Variants in SBK1 observed in about 807,000 individuals in gnomAD.
SBK1 encodes serine/threonine-protein kinase SBK1.
SBK1 carries 11 observed loss-of-function variants against 24.4 expected under a neutral mutation model. That is an observed-to-expected ratio of 0.45 (90% confidence interval 0.28 to 0.75). The LOEUF is 0.75. Among genes scored for constraint, SBK1 ranks in the 30% least tolerant of loss-of-function variants. The probability of loss-of-function intolerance (pLI) is 0.12; values close to 1 mark genes in which losing one functional copy is unlikely to be tolerated. For missense variants in SBK1, 467 were observed against 620.5 expected (o/e 0.75, Z 2.63); for synonymous variants, 308 against 284.4 (o/e 1.08, Z -0.83).
chr16:28,288,793 G>A (rs2044582042), upstream of SBK1, among the ~76,000 whole-genome samples: 1 of 152,152 alleles, frequency 6.6e-6, no homozygotes. Flanking sequence ...CTCACCTGCT[G>A]GTCCCAGAAC....
chr16:28,272,157 T>C (rs1242925299), intron 1 of SBK1, among the ~76,000 whole-genome samples: 1 of 152,158 alleles, frequency 6.6e-6, no homozygotes, highest in Non-Finnish European at 1.5e-5. Context: ...GCAGCCTCCA[T>C]CTCCTGGGCT....
intron 1 of SBK1, among the ~76,000 whole-genome samples, chr16:28,280,300 C>CGT (rs2044525704): frequency 7.1e-6 from 1 of 140,204 alleles, no homozygotes; most frequent in African/African-American, 2.6e-5. Flanking sequence ...TATATATGCA[C>CGT]ATATATGTAT....
chr16:28,320,920 G>A lies in SBK1; in HGVS notation c.1274G>A (p.Ter425=), dbSNP rs1271941907. ...GCCACGGCCATCGAGATCTGCGTCT[G>A]AGTCGCCTCCGCCGCCCTCGGACCC... is the stretch of plus-strand genomic sequence containing the variant. The part of the protein sequence containing the change: ...VLATAIEICV[*] The change falls in exon 4 of 4, where the codon TGA becomes TAA. Residue 425 remains the stop codon, a stop_retained_variant. Transcript: ENST00000341901. The surrounding 1 kb of genome is among the most constrained non-coding windows in gnomAD (Gnocchi z 8.5). The A allele has an allele frequency of 1.4e-6, 2 of 1,469,268 alleles. No homozygotes were observed. Among genetic ancestry groups the A allele is most frequent in the Middle Eastern group, 1.8e-4 (1 of 5,506 alleles). The allele number at this position is 1,469,268 out of a possible 1,614,324, so 91.0% of individuals were successfully genotyped here.
Position 28,270,793 on chromosome 16 carries a change from T to C in SBK1, c.257+11291T>C, listed in dbSNP as rs2044460214. On this transcript the variant is annotated intron_variant, in intron 1 of 3. Coordinates refer to the SBK1 transcript ENST00000671413. ...AGTAGAAAAAACAATATTTTCAGAT[T>C]GGCAAGAGCTCAAAAATTTTACCTC... 1.3e-5 allele frequency among the ~76,000 whole-genome samples: 2 copies of C among 151,994 alleles called. 1 individual carries two copies. The highest frequency in any genetic ancestry group is 1.3e-4 in the Admixed American group (2 of 15,254).
chr16:28,317,678 G>T lies in SBK1; in HGVS notation c.226+61G>T. On this transcript the variant is annotated intron_variant, in intron 2 of 3. Transcript: ENST00000341901. This position sits in a 1 kb window ranked among gnomAD's most constrained non-coding sequence, Gnocchi z 4.2. ...GGGTGGGGCAGGGCTGGGAGGTCAG[G>T]GTTGGGGGACATGACCTTGCAGCTG... 1 of 1,171,518 alleles carries T rather than the reference G, an allele frequency of 8.5e-7. No homozygotes were observed. The highest frequency in any genetic ancestry group is 2.4e-5 in the East Asian group (1 of 41,776). 72.6% of individuals were successfully genotyped at this position (1,171,518 alleles called of 1,614,324 possible).
At chr16:28,313,293 T>TA (rs904670579) in intron 1 of SBK1, among the ~76,000 whole-genome samples, 2 of 151,220 alleles carry the variant, frequency 1.3e-5, no homozygotes, top group East Asian at 2.0e-4. Context: ...AGACCCTGTT[T>TA]AAAAAAAATT....
At chr16:28,294,629 C>G (rs1314845305) in intron 1 of SBK1, among the ~76,000 whole-genome samples, 2 of 152,222 alleles carry the variant, frequency 1.3e-5, no homozygotes, top group East Asian at 3.8e-4. Context: ...CTGAGAGATT[C>G]TTGACCCTAC....
intron 1 of SBK1, among the ~76,000 whole-genome samples, chr16:28,281,079 A>G (rs987132656): frequency 3.9e-5 from 6 of 152,094 alleles, no homozygotes; most frequent in African/African-American, 1.4e-4. Context: ...TGGTGTCCTC[A>G]GACAGACCCT....
chr16:28,313,086 C>T (rs548254554), intron 1 of SBK1, among the ~76,000 whole-genome samples: 4 of 152,266 alleles, frequency 2.6e-5, no homozygotes, highest in South Asian at 4.1e-4. Flanking sequence ...GCCAAGATTG[C>T]ACCAGGCAAC....
chr16:28,310,261 G>A (rs997012397), intron 1 of SBK1, among the ~76,000 whole-genome samples: 7 of 152,244 alleles, frequency 4.6e-5, no homozygotes, highest in Non-Finnish European at 2.9e-5. Flanking sequence ...ACAGCCCGGC[G>A]TGAACAGAGG....
rs374125511 is a variant in SBK1, at chr16:28,320,145, G to C, written c.499G>C (p.Gly167Arg). The change falls in exon 4 of 4, where the codon GGG becomes CGG. Residue 167 changes from glycine (G) to arginine (R), a missense_variant. Around this residue, in one of 4 missense-constraint regions of SBK1, gnomAD observed 92 missense variants for 193.8 expected, o/e 0.47. Coordinates refer to ENST00000341901, the MANE Select transcript of SBK1 (RefSeq NM_001024401.3). The surrounding 1 kb of genome is among the most constrained non-coding windows in gnomAD (Gnocchi z 8.5). The stretch of plus-strand genomic sequence containing the variant: ...GGGCCTGGCGCTGGACTTCATGCAC[G>C]GGCGGCAGCTGGTGCACCGCGACAT... ...QLGLALDFMH[G>R]RQLVHRDIKP... The C allele has an allele frequency of 8.6e-5, 136 of 1,579,704 alleles. No homozygotes were observed. Among genetic ancestry groups the C allele is most frequent in the Non-Finnish European group, 1.1e-4 (130 of 1,168,158 alleles).
intron 1 of SBK1, among the ~76,000 whole-genome samples, chr16:28,302,007 T>C (rs1435333737): frequency 1.3e-5 from 2 of 152,230 alleles, no homozygotes; most frequent in African/African-American, 2.4e-5. Flanking sequence ...TGTATTTGTG[T>C]TGAGGACCAA....
At chr16:28,285,324 G>C (rs2044558947) in intron 1 of SBK1, 1 of 152,218 alleles carries the variant, frequency 6.6e-6, no homozygotes, top group African/African-American at 2.4e-5. Flanking sequence ...GGGAGGCCAA[G>C]GCAGGCAGAT....
intron 1 of SBK1, among the ~76,000 whole-genome samples, chr16:28,294,639 C>T (rs531781661): frequency 6.6e-6 from 1 of 152,360 alleles, no homozygotes; most frequent in South Asian, 2.1e-4. Flanking sequence ...CTTGACCCTA[C>T]ACCTGAAGCA....
chr16:28,291,344 C>A (rs2044597306), upstream of SBK1: 1 of 151,688 alleles, frequency 6.6e-6, no homozygotes, highest in African/African-American at 2.4e-5. Flanking sequence ...ACATCACACA[C>A]CAGGGACTGT....
At chr16:28,307,037 A>G (rs1381911548) in intron 1 of SBK1, among the ~76,000 whole-genome samples, 1 of 151,916 alleles carries the variant, frequency 6.6e-6, no homozygotes, top group African/African-American at 2.4e-5. Context: ...TCCCTCCAGC[A>G]GCCCCAGCCC....
At chr16:28,278,266 G>A (rs899385444) in intron 1 of SBK1, among the ~76,000 whole-genome samples, 3 of 152,220 alleles carry the variant, frequency 2.0e-5, no homozygotes, top group Non-Finnish European at 2.9e-5. Context: ...GCAGGGGAGA[G>A]CAGGGGGAGG....
intron 1 of SBK1, among the ~76,000 whole-genome samples, chr16:28,269,961 AAG>A (rs1489905090): frequency 1.3e-5 from 2 of 152,196 alleles, no homozygotes; most frequent in Non-Finnish European, 2.9e-5. Flanking sequence ...CTGGGACAAG[AAG>A]AAAATTCTCC....
chr16:28,320,953 G>C lies in SBK1; in HGVS notation c.*32G>C. ...TCCGCCGCCCTCGGACCCGGGAGCA[G>C]CCCGGGCCCGCCCCGAGCCGGTGCC... On this transcript the variant is annotated 3_prime_UTR_variant, in exon 4 of 4. Coordinates refer to ENST00000341901, the MANE Select transcript of SBK1 (RefSeq NM_001024401.3). This position sits in a 1 kb window ranked among gnomAD's most constrained non-coding sequence, Gnocchi z 8.5. The C allele has an allele frequency of 7.4e-7, 1 of 1,353,414 alleles. No homozygotes were observed. 83.8% of individuals were successfully genotyped at this position (1,353,414 alleles called of 1,614,324 possible).
Sources: gnomAD v4.1 joint callset for allele counts (sites outside exome capture counted in the v4.1 genomes callset) on GRCh38, gnomAD v4.1.1 for gene constraint, gnomAD v4.1.1 regional missense constraint, Gnocchi (gnomAD v3.1) non-coding constraint, MANE v1.5 for transcripts, NCBI Gene and HGNC (gene_info 2026-07-23, HGNC 2026-07-21) for gene names.